The following DDX19A variants were observed in gnomAD, a reference collection of about 807,000 sequenced individuals.
DDX19A encodes ATP-dependent RNA helicase DDX19A.
In DDX19A, 12 loss-of-function variants were observed where a neutral mutation model predicts 60.6. The observed-to-expected ratio is 0.20, with a 90% CI of 0.13 to 0.32. DDX19A has a LOEUF of 0.32. Among genes scored for constraint, DDX19A ranks in the 10% least tolerant of loss-of-function variants. DDX19A has a pLI of 1.00. For missense variants in DDX19A, 337 were observed against 600.6 expected, an observed-to-expected ratio of 0.56 and a Z score of 4.59; for synonymous variants, 206 against 218.2, an observed-to-expected ratio of 0.94 and a Z score of 0.49.
intron 9 of DDX19A, among the ~76,000 whole-genome samples, chr16:70,367,876 CAA>C (rs1205996596): frequency 1.7e-4 from 17 of 97,256 alleles, no homozygotes; most frequent in Admixed American, 3.4e-4. Flanking sequence ...GACTCCGTCT[CAA>C]AAAAAAAAAA....
intron 3 of DDX19A, 132 bp from the exon 4 acceptor site, chr16:70,355,980 C>G (rs1000834533): frequency 2.0e-5 from 23 of 1,138,414 alleles, no homozygotes; most frequent in Non-Finnish European, 2.8e-5. Context: ...AAATAGAGAC[C>G]TATCAGTGTG....
intron 2 of DDX19A, among the ~76,000 whole-genome samples, chr16:70,353,878 G>A (rs1290080043): frequency 6.8e-6 from 1 of 146,474 alleles, no homozygotes; most frequent in African/African-American, 2.6e-5. Flanking sequence ...TTCATCCTGG[G>A]CAACAGAGTG....
chr16:70,365,332 TA>T (rs536851920), intron 7 of DDX19A: 12,329 of 350,988 alleles, frequency 0.035, no homozygotes, highest in South Asian at 0.053. Context: ...TTCGGTTGAT[TA>T]AAAAAAAAAA....
At chr16:70,361,028 TCACTG>T (rs1426230750) in intron 4 of DDX19A, 10 of 210,784 alleles carry the variant, frequency 4.7e-5, no homozygotes, top group Non-Finnish European at 9.4e-5. Flanking sequence ...CAGGCATGAG[TCACTG>T]TACCTGACCT....
In DDX19A at chr16:70,372,235, C is replaced by T. The variant is rs148629795; in HGVS notation, c.*249C>T. 289 of 599,382 alleles carry T rather than the reference C, an allele frequency of 4.8e-4. No individual in the cohort carries two copies. The highest frequency in any genetic ancestry group is 4.7e-3 in the African/African-American group (252 of 53,840). The allele number at this position is 599,382 out of a possible 1,614,324, so 37.1% of individuals were successfully genotyped here. On this transcript the variant is annotated 3_prime_UTR_variant, in exon 12 of 12. Transcript: ENST00000302243. ...CTTTTTTAAAGCCACATTCCCCCAT[C>T]TTTATAATAATCTGGTCACAGTGGT... is the stretch of plus-strand genomic sequence containing the variant.
intron 2 of DDX19A, 118 bp downstream of exon 2, chr16:70,350,723 A>C: frequency 1.4e-6 from 1 of 721,686 alleles, no homozygotes; most frequent in South Asian, 2.2e-5. Flanking sequence ...TTTACAAGCC[A>C]GTGAATTAGA....
At chr16:70,356,343 A>T in intron 4 of DDX19A, 96 bp downstream of exon 4, 3 of 1,550,740 alleles carry the variant, frequency 1.9e-6, no homozygotes, top group Non-Finnish European at 2.6e-6. Flanking sequence ...TTACTTTTAA[A>T]AATTTAGTGT....
At chr16:70,356,769 G>T (rs187323772) in intron 4 of DDX19A, 4 of 714,708 alleles carry the variant, frequency 5.6e-6, no homozygotes, top group Non-Finnish European at 7.9e-6. Flanking sequence ...TGGCTATCCT[G>T]TTCTCTTGGT....
At position 70,360,158 on chromosome 16, in the gene DDX19A, G is replaced by T. The variant is rs117168015; in HGVS notation, c.294-1260G>T. Among the ~76,000 whole-genome samples, 351 of 152,016 alleles carry T rather than the reference G, an allele frequency of 2.3e-3. 13 individuals carry two copies. The East Asian group carries it at 0.049, about 21-fold the overall frequency. On this transcript the variant is annotated intron_variant, in intron 4 of 11. Transcript: ENST00000302243. The stretch of plus-strand genomic sequence containing the variant: ...TAGCCAGGTGTGGCAGTATGCGCCT[G>T]TAATCCTAGCTCCTCAGAAGGCTGA...
At chr16:70,359,425 G>A (rs921334199) in intron 4 of DDX19A, among the ~76,000 whole-genome samples, 4 of 152,210 alleles carry the variant, frequency 2.6e-5, no homozygotes, top group Non-Finnish European at 4.4e-5. Flanking sequence ...TTAGAGAACA[G>A]TTGGGTTGCC....
At chr16:70,365,733 CTG>C in intron 7 of DDX19A, 2 of 353,542 alleles carry the variant, frequency 5.7e-6, no homozygotes, top group South Asian at 2.5e-5. Flanking sequence ...TGAGCCATGA[CTG>C]TGTCACCGCA....
rs1377913800 is a variant in DDX19A at position 70,359,755 on chromosome 16, G to A, written c.294-1663G>A. 7.2e-5 allele frequency among the ~76,000 whole-genome samples: 11 copies of A among 152,248 alleles called. No individual in the cohort carries two copies. The East Asian group carries it at 2.1e-3, about 29-fold the overall frequency. On this transcript the variant is annotated intron_variant, in intron 4 of 11. Coordinates refer to ENST00000302243, the MANE Select transcript of DDX19A (RefSeq NM_018332.5). Reference sequence around the variant, plus strand: ...TGCCTGCAGCCCCAGCTACTCAAGGGTGGGAGGATCTCTTGAGGCCTGGGA... The same window carrying A: ...TGCCTGCAGCCCCAGCTACTCAAGGATGGGAGGATCTCTTGAGGCCTGGGA...
chr16:70,356,038 A>G, intron 3 of DDX19A, 74 bp from the exon 4 acceptor site: 2 of 1,591,946 alleles, frequency 1.3e-6, no homozygotes, highest in Non-Finnish European at 1.7e-6. Flanking sequence ...TAGTGTGGAG[A>G]GGGAGAAAGA....
chr16:70,356,831 C>G (rs1316034602), intron 4 of DDX19A: 2 of 1,211,596 alleles, frequency 1.7e-6, no homozygotes, highest in East Asian at 5.7e-5. Flanking sequence ...AGTCTTATTT[C>G]TCTTATACTC....
chr16:70,356,699 G>A, intron 4 of DDX19A: 1 of 273,640 alleles, frequency 3.7e-6, no homozygotes, highest in South Asian at 3.8e-5. Flanking sequence ...TAAGTCACAT[G>A]ATTCAAAAGT....
intron 2 of DDX19A, among the ~76,000 whole-genome samples, chr16:70,355,205 C>T (rs780631825): frequency 2.0e-5 from 3 of 151,886 alleles, no homozygotes; most frequent in African/African-American, 4.8e-5. Flanking sequence ...GGTGAAACCC[C>T]GTCTCTACTA....
intron 2 of DDX19A, among the ~76,000 whole-genome samples, chr16:70,351,043 T>C (rs1050239923): frequency 7.3e-6 from 1 of 137,890 alleles, no homozygotes; most frequent in African/African-American, 2.7e-5. Context: ...CACGCGCTAG[T>C]TTTTTTTTTT....
intron 8 of DDX19A, 130 bp from the exon 9 acceptor site, chr16:70,366,494 G>C: frequency 7.4e-7 from 1 of 1,353,742 alleles, no homozygotes; most frequent in South Asian, 1.4e-5. Context: ...CAGGCCTGCT[G>C]CTCCTCCTCC....
At position 70,364,530 on chromosome 16, in the gene DDX19A, T is replaced by C; in HGVS notation, c.387-13T>C. The C allele has an allele frequency of 1.9e-6, 3 of 1,595,936 alleles. No individual in the cohort carries two copies. Among genetic ancestry groups the C allele is most frequent in the Non-Finnish European group, 2.6e-6 (3 of 1,164,500 alleles). The stretch of plus-strand genomic sequence containing the variant: ...ACCAATTTAAGTTTCATTTCTGTTC[T>C]TCCTTGATCCAGCCCACAGAATCTG... On this transcript the variant is annotated splice_polypyrimidine_tract_variant and intron_variant, in intron 5 of 11. Coordinates refer to ENST00000302243, the MANE Select transcript of DDX19A (RefSeq NM_018332.5).
Sources: gnomAD v4.1 joint callset for allele counts (sites outside exome capture counted in the v4.1 genomes callset) on GRCh38, gnomAD v4.1.1 for gene constraint, MANE v1.5 for transcripts, NCBI Gene and HGNC (gene_info 2026-07-23, HGNC 2026-07-21) for gene names.